Variants in USO1 observed in about 807,000 individuals in gnomAD.
The protein encoded by USO1 is general vesicular transport factor p115.
Under a neutral mutation model 124.5 loss-of-function variants are expected in USO1, and 57 were observed. The observed-to-expected ratio is 0.46, with a 90% CI of 0.37 to 0.57. The LOEUF (loss-of-function observed/expected upper bound fraction) is 0.57. Among genes scored for constraint, USO1 ranks in the 20% least tolerant of loss-of-function variants. The pLI is 0.00. For synonymous variants in USO1, 369 were observed against 362.8 expected (o/e 1.02, Z -0.19); for missense variants, 900 against 1,040.6 (o/e 0.86, Z 1.86).
chr4:75,747,590 A>G (rs1300138015), intron 1 of USO1, among the ~76,000 whole-genome samples: 1 of 139,488 alleles, frequency 7.2e-6, no homozygotes, highest in East Asian at 2.1e-4. Context: ...TTGTTCTTAT[A>G]TTCACCTTTG....
intron 15 of USO1, 69 bp from the exon 16 acceptor site, chr4:75,800,549 A>G: frequency 6.6e-7 from 1 of 1,517,684 alleles, no homozygotes; most frequent in Non-Finnish European, 8.8e-7. Context: ...AGCATTATGT[A>G]GACCAAGCTT....
chr4:75,738,539 G>A (rs550573849), intron 1 of USO1, among the ~76,000 whole-genome samples: 172 of 152,218 alleles, frequency 1.1e-3, no homozygotes, highest in African/African-American at 3.3e-3. Flanking sequence ...GTGCAGTGGC[G>A]TAAACATGGG....
intron 17 of USO1, among the ~76,000 whole-genome samples, chr4:75,801,943 G>T (rs137895073): frequency 6.6e-6 from 1 of 152,016 alleles, no homozygotes; most frequent in African/African-American, 2.4e-5. Context: ...CCTCAGCCTC[G>T]CAAGTAGCTG....
At position 75,793,758 on chromosome 4, in the gene USO1, A is replaced by C; in HGVS notation, c.1309A>C (p.Asn437His). ...GGLFSTDSLS[N>H]WCAAVALAHA... Reference sequence around the variant, plus strand: ...TTTGTTTTCTACTGATTCACTTTCAAACTGGTGTGCTGCTGTGGCCCTTGC... The same window carrying C: ...TTTGTTTTCTACTGATTCACTTTCACACTGGTGTGCTGCTGTGGCCCTTGC... Residue 437 changes from asparagine to histidine, a missense_variant, in exon 13 of 24, where the codon AAC becomes CAC. Asn to His is a moderately conservative substitution (Grantham distance 68). Coordinates refer to ENST00000514213, the MANE Select transcript of USO1 (RefSeq NM_003715.4). 1.2e-6 allele frequency: 2 copies of C among 1,613,734 alleles called. No individual in the cohort carries two copies. Among genetic ancestry groups the C allele is most frequent in the Non-Finnish European group, 8.5e-7 (1 of 1,179,796 alleles).
At chr4:75,795,407 T>C in intron 13 of USO1, 1 of 700,404 alleles carries the variant, frequency 1.4e-6, no homozygotes, top group East Asian at 2.7e-5. Flanking sequence ...AGCAAAGCTT[T>C]TTCTCTGTCT....
chr4:75,812,798 TA>T (rs539461222), intron 23 of USO1, among the ~76,000 whole-genome samples: 143 of 152,344 alleles, frequency 9.4e-4, no homozygotes, highest in South Asian at 1.9e-3. Flanking sequence ...AGATGGCTTA[TA>T]TTCTACTGTA....
At chr4:75,760,728 T>G (rs1202840308) in intron 4 of USO1, 7 of 390,886 alleles carry the variant, frequency 1.8e-5, no homozygotes, top group Non-Finnish European at 2.7e-5. Flanking sequence ...TGTTTTACTA[T>G]ATAAGAATTC....
chr4:75,772,356 C>T (rs1199116396), intron 7 of USO1, among the ~76,000 whole-genome samples: 1 of 151,946 alleles, frequency 6.6e-6, no homozygotes, highest in African/African-American at 2.4e-5. Flanking sequence ...TCTGCCTCAG[C>T]CTCTCGAGTA....
intron 1 of USO1, among the ~76,000 whole-genome samples, chr4:75,728,693 T>G (rs1720536389): frequency 6.6e-6 from 1 of 152,210 alleles, no homozygotes; most frequent in Non-Finnish European, 1.5e-5. Context: ...TAGTAAATAT[T>G]TTATCATAGG....
At chr4:75,728,899 C>T (rs565406501) in intron 1 of USO1, among the ~76,000 whole-genome samples, 13 of 151,644 alleles carry the variant, frequency 8.6e-5, no homozygotes, top group Admixed American at 3.3e-4. Context: ...CCCGGGTTCA[C>T]GCCATTCTTC....
At chr4:75,735,275 G>T (rs1324469220) in intron 1 of USO1, among the ~76,000 whole-genome samples, 2 of 152,024 alleles carry the variant, frequency 1.3e-5, no homozygotes, top group African/African-American at 2.4e-5. Context: ...ACTGATTTTT[G>T]TACATTGATT....
At chr4:75,773,045 C>T (rs980453989) in intron 7 of USO1, among the ~76,000 whole-genome samples, 2 of 152,088 alleles carry the variant, frequency 1.3e-5, no homozygotes, top group African/African-American at 4.8e-5. Flanking sequence ...TTGCAGTGAG[C>T]TGAGACTGTG....
chr4:75,809,294 G>A (rs1206236408), intron 21 of USO1, among the ~76,000 whole-genome samples: 8 of 97,724 alleles, frequency 8.2e-5, no homozygotes, highest in African/African-American at 1.7e-4. Context: ...TTCTATTTCT[G>A]TCCCTTCAGT....
chr4:75,804,092 G>T (rs381067), intron 17 of USO1, 42 bp from the exon 18 acceptor site: 1,585,409 of 1,598,358 alleles, frequency 0.99, 787,142 homozygotes, highest in East Asian at 1. Context: ...TAATGCTAAC[G>T]AGTATGACTT....
At chr4:75,760,891 A>C (rs533457642) in intron 4 of USO1, among the ~76,000 whole-genome samples, 1 of 152,372 alleles carries the variant, frequency 6.6e-6, no homozygotes, top group East Asian at 1.9e-4. Flanking sequence ...TCACACTTGT[A>C]ATCCCAGCAC....
chr4:75,811,042 T>G (rs1723133788), intron 22 of USO1, among the ~76,000 whole-genome samples: 4 of 152,196 alleles, frequency 2.6e-5, no homozygotes, highest in Admixed American at 2.6e-4. Flanking sequence ...CAGCCACAAA[T>G]GAAGCTTTTA....
intron 4 of USO1, among the ~76,000 whole-genome samples, chr4:75,760,866 G>A (rs937825652): frequency 3.3e-5 from 5 of 152,082 alleles, no homozygotes; most frequent in Admixed American, 6.6e-5. Flanking sequence ...GGTTTTTCTG[G>A]CCAGGCGTGG....
At chr4:75,774,395 G>A (rs1467834935) in intron 7 of USO1, among the ~76,000 whole-genome samples, 1 of 152,194 alleles carries the variant, frequency 6.6e-6, no homozygotes, top group African/African-American at 2.4e-5. Context: ...AGTGGTTAAT[G>A]AATATAAAGG....
chr4:75,734,311 T>C (rs181843880), intron 1 of USO1, among the ~76,000 whole-genome samples: 127 of 152,266 alleles, frequency 8.3e-4, no homozygotes, highest in Admixed American at 1.5e-3. Flanking sequence ...TTAATTTTTG[T>C]ATATGGTAAA....
Sources: gnomAD v4.1 joint callset for allele counts (sites outside exome capture counted in the v4.1 genomes callset) on GRCh38, gnomAD v4.1.1 for gene constraint, MANE v1.5 for transcripts, NCBI Gene and HGNC (gene_info 2026-07-23, HGNC 2026-07-21) for gene names.